The following OPCML variants were observed in gnomAD, a reference collection of about 807,000 sequenced individuals.
OPCML encodes the protein opioid binding protein/cell adhesion molecule like.
OPCML carries 13 observed loss-of-function variants against 37.8 expected under a neutral mutation model. That is an observed-to-expected ratio of 0.34 (90% CI 0.22 to 0.55). OPCML has a LOEUF of 0.55. Among genes scored for constraint, OPCML ranks in the 20% least tolerant of loss-of-function variants. The pLI is 0.91. For synonymous variants in OPCML, 176 were observed against 168.8 expected, an observed-to-expected ratio of 1.04 and a Z score of -0.33; for missense variants, 341 against 435.6, an observed-to-expected ratio of 0.78 and a Z score of 1.93.
intron 2 of OPCML, among the ~76,000 whole-genome samples, chr11:132,809,219 C>G (rs751988068): frequency 2.6e-5 from 4 of 152,204 alleles, no homozygotes; most frequent in Non-Finnish European, 5.9e-5. Context: ...GCATACGTGG[C>G]TCATTTCCCA....
At chr11:132,764,225 G>A (rs914678269) in intron 2 of OPCML, among the ~76,000 whole-genome samples, 2 of 152,246 alleles carry the variant, frequency 1.3e-5, no homozygotes, top group Non-Finnish European at 2.9e-5. Context: ...TAAGATGCCT[G>A]TGGCTCAGGG....
chr11:133,390,212 A>G (rs1326667466), intron 1 of OPCML, among the ~76,000 whole-genome samples: 1 of 152,186 alleles, frequency 6.6e-6, no homozygotes, highest in African/African-American at 2.4e-5. Context: ...TAATCCCGGC[A>G]CTTTTGGGAG....
rs148480307 is a variant in OPCML at position 133,484,226 on chromosome 11, T to C, written c.61+48038A>G. On this transcript the variant is annotated intron_variant, in intron 1 of 7. Coordinates refer to ENST00000524381, the MANE Select transcript of OPCML (RefSeq NM_001012393.5). ...CCTAAAAAGCACACATTAAATGTGT[T>C]TGAATTATTCTTTACAGGGGGATGG... 4.3e-3 allele frequency among the ~76,000 whole-genome samples: 661 copies of C among 152,276 alleles called. 6 individuals are homozygous for C. The highest frequency in any genetic ancestry group is 0.015 in the African/African-American group (619 of 41,572).
intron 1 of OPCML, among the ~76,000 whole-genome samples, chr11:133,369,684 C>T (rs1257374952): frequency 6.6e-6 from 1 of 152,110 alleles, no homozygotes; most frequent in East Asian, 1.9e-4. Context: ...ATTCCCAACT[C>T]TGTACCATTC....
chr11:133,387,131 A>T (rs1212000577), intron 1 of OPCML, among the ~76,000 whole-genome samples: 2 of 152,186 alleles, frequency 1.3e-5, no homozygotes, highest in Non-Finnish European at 2.9e-5. Flanking sequence ...GACTATTCCT[A>T]ACAAAGGACT....
At chr11:132,580,763 T>G (rs1388064692) in intron 3 of OPCML, among the ~76,000 whole-genome samples, 1 of 152,182 alleles carries the variant, frequency 6.6e-6, no homozygotes, top group East Asian at 1.9e-4. Flanking sequence ...CTTTACTCAC[T>G]TCTCAGTGGC....
At chr11:133,296,524 T>A (rs913567952) in intron 1 of OPCML, among the ~76,000 whole-genome samples, 2 of 152,226 alleles carry the variant, frequency 1.3e-5, no homozygotes, top group African/African-American at 4.8e-5. Flanking sequence ...CAATGTACCA[T>A]AAGCGATAGA....
At chr11:132,684,739 G>A (rs1943096952) in intron 2 of OPCML, among the ~76,000 whole-genome samples, 1 of 152,296 alleles carries the variant, frequency 6.6e-6, no homozygotes, top group African/African-American at 2.4e-5. Context: ...TTGTTCTTGT[G>A]GAGCTTTGCT....
chr11:132,765,200 A>G (rs1946395036), intron 2 of OPCML, among the ~76,000 whole-genome samples: 1 of 152,172 alleles, frequency 6.6e-6, no homozygotes, highest in African/African-American at 2.4e-5. Flanking sequence ...TCCTTACTGG[A>G]CTTTGACCTC....
At chr11:132,446,522 T>C (rs1396495563) in intron 4 of OPCML, among the ~76,000 whole-genome samples, 1 of 152,088 alleles carries the variant, frequency 6.6e-6, no homozygotes, top group East Asian at 1.9e-4. Flanking sequence ...AAACTAACAG[T>C]TCAGACCCAA....
chr11:133,532,454 A>AAG lies in OPCML; in HGVS notation c.-132_-131dup, dbSNP rs1171238336. On this transcript the variant is annotated 5_prime_UTR_variant, in exon 1 of 8. Transcript: ENST00000524381. Reference sequence around the variant, plus strand: ...GTTTGCAAAGGGAGGGAGAGAGCAGAAGAGAGAGAGAGCGCGCGAGAGATG... The same window carrying AAG: ...GTTTGCAAAGGGAGGGAGAGAGCAGAAGAGAGAGAGAGAGCGCGCGAGAGATG... The AAG allele has an allele frequency of 4.4e-6, 5 of 1,139,850 alleles. No individual in the cohort carries two copies. Among genetic ancestry groups the AAG allele is most frequent in the Admixed American group, 4.0e-5 (2 of 49,804 alleles). The allele number at this position is 1,139,850 out of a possible 1,614,324, so 70.6% of individuals were successfully genotyped here. A position where few individuals can be genotyped will look rare whatever the true frequency, so the allele number is the denominator to read the frequency against.
At chr11:133,030,374 A>G (rs1947644291) in intron 1 of OPCML, among the ~76,000 whole-genome samples, 1 of 152,204 alleles carries the variant, frequency 6.6e-6, no homozygotes, top group Non-Finnish European at 1.5e-5. Flanking sequence ...TAGATGGGAA[A>G]TAATGTAGAA....
chr11:132,496,684 CA>C (rs1394725192), intron 4 of OPCML, among the ~76,000 whole-genome samples: 1 of 152,210 alleles, frequency 6.6e-6, no homozygotes, highest in Non-Finnish European at 1.5e-5. Flanking sequence ...GGCTTTGTTA[CA>C]CTCAAAATGT....
intron 2 of OPCML, among the ~76,000 whole-genome samples, chr11:132,716,309 G>A (rs1287945326): frequency 6.6e-6 from 1 of 152,172 alleles, no homozygotes; most frequent in Admixed American, 6.5e-5. Flanking sequence ...AGTGACCTGG[G>A]CTGCAGCGAA....
intron 2 of OPCML, among the ~76,000 whole-genome samples, chr11:132,928,057 A>G (rs1945059606): frequency 6.6e-6 from 1 of 152,044 alleles, no homozygotes; most frequent in Admixed American, 6.6e-5. Flanking sequence ...GGAGGAAATG[A>G]GGGACAAAAA....
chr11:133,365,231 A>T (rs1190229846), intron 1 of OPCML: 1 of 152,240 alleles, frequency 6.6e-6, no homozygotes, highest in Non-Finnish European at 1.5e-5. Flanking sequence ...CTTCAGAAAG[A>T]AAGTCACAAT....
chr11:133,127,149 T>A (rs1028350792), intron 1 of OPCML, among the ~76,000 whole-genome samples: 7 of 152,162 alleles, frequency 4.6e-5, no homozygotes, highest in Admixed American at 3.9e-4. Flanking sequence ...CTTGTACTTC[T>A]AGGCTTAAAT....
intron 1 of OPCML, among the ~76,000 whole-genome samples, chr11:133,465,416 T>G (rs2136994518): frequency 6.6e-6 from 1 of 152,282 alleles, no homozygotes; most frequent in Admixed American, 6.5e-5. Flanking sequence ...TAGGACATTT[T>G]GGGGTGGTGG....
chr11:132,892,699 A>G (rs560855882), intron 2 of OPCML, among the ~76,000 whole-genome samples: 30 of 152,318 alleles, frequency 2.0e-4, no homozygotes, highest in African/African-American at 7.0e-4. Context: ...CCTGGGAGGC[A>G]GAGGGTGCGG....
Sources: gnomAD v4.1 joint callset for allele counts (sites outside exome capture counted in the v4.1 genomes callset) on GRCh38, gnomAD v4.1.1 for gene constraint, MANE v1.5 for transcripts, NCBI Gene and HGNC (gene_info 2026-07-23, HGNC 2026-07-21) for gene names.